The following TSPAN9 variants were observed in gnomAD, a reference collection of about 807,000 sequenced individuals.
TSPAN9 encodes the protein tetraspanin-9.
In TSPAN9, 16 loss-of-function variants were observed where a neutral mutation model predicts 31.0. The observed-to-expected ratio is 0.52, with a 90% CI of 0.35 to 0.78. The LOEUF is 0.78. TSPAN9 is among the 30% of genes least tolerant of loss of function. The pLI is 0.01. For synonymous variants in TSPAN9, 145 were observed against 121.6 expected, an observed-to-expected ratio of 1.19 and a Z score of -1.27; for missense variants, 272 against 312.5, an observed-to-expected ratio of 0.87 and a Z score of 0.98.
intron 4 of TSPAN9, 64 bp downstream of exon 4, chr12:3,278,676 A>T (rs968151442): frequency 1.3e-6 from 2 of 1,568,402 alleles, no homozygotes; most frequent in South Asian, 1.2e-5. Context: ...GACCCCTGGG[A>T]CAGGCAAGAC....
chr12:3,131,323 C>T (rs1431705000), intron 2 of TSPAN9, among the ~76,000 whole-genome samples: 1 of 152,126 alleles, frequency 6.6e-6, no homozygotes. Context: ...CTTGGTTGAG[C>T]CTGGACATGC....
At chr12:3,278,962 C>T (rs1862846683) in intron 4 of TSPAN9, 30 bp from the exon 5 acceptor site, 1 of 1,611,668 alleles carries the variant, frequency 6.2e-7, no homozygotes, top group Non-Finnish European at 8.5e-7. Flanking sequence ...CCCATTACCA[C>T]CTACCCATGC....
intron 2 of TSPAN9, among the ~76,000 whole-genome samples, chr12:3,161,568 GCGTGGGGCCTGGCC>G (rs2098345238): frequency 6.6e-6 from 1 of 152,184 alleles, no homozygotes; most frequent in African/African-American, 2.4e-5. Flanking sequence ...GGAGCACCTA[GCGTGGGGCCTGGCC>G]TGGGGAAAGT....
chr12:3,099,647 G>A (rs963525568), intron 2 of TSPAN9, among the ~76,000 whole-genome samples: 7 of 152,120 alleles, frequency 4.6e-5, no homozygotes, highest in African/African-American at 1.7e-4. Flanking sequence ...ATTTCCTTGA[G>A]TGGTATTGGG....
rs1014366394 is a variant in TSPAN9, at chr12:3,285,271, G to T, written c.*2155G>T. On this transcript the variant is annotated 3_prime_UTR_variant, in exon 9 of 9. Transcript: ENST00000011898. Reference sequence around the variant, plus strand: ...GCCTCGTGCGTTTTTTGCTGTGGGTGGGGTGGGTGGGTTGGTTTATGCCTA... The same window carrying T: ...GCCTCGTGCGTTTTTTGCTGTGGGTTGGGTGGGTGGGTTGGTTTATGCCTA... The T allele has an allele frequency of 1.3e-5, 2 of 151,466 alleles. No individual in the cohort carries two copies. Among genetic ancestry groups the T allele is most frequent in the Non-Finnish European group, 2.9e-5 (2 of 67,842 alleles). 9.4% of individuals were successfully genotyped at this position (151,466 alleles called of 1,614,324 possible).
intron 2 of TSPAN9, among the ~76,000 whole-genome samples, chr12:3,160,413 A>G (rs4765716): frequency 0.069 from 10,554 of 152,242 alleles, 520 homozygotes; most frequent in African/African-American, 0.14. Context: ...GAACATTTGT[A>G]TATAGATTTT....
intron 2 of TSPAN9, among the ~76,000 whole-genome samples, chr12:3,156,438 T>C (rs759818387): frequency 4.6e-5 from 7 of 151,460 alleles, no homozygotes; most frequent in Non-Finnish European, 8.8e-5. Flanking sequence ...GTCTTCTTGA[T>C]AGGGGAGGTG....
chr12:3,226,341 C>T (rs1014177279), intron 3 of TSPAN9, among the ~76,000 whole-genome samples: 1 of 151,934 alleles, frequency 6.6e-6, no homozygotes, highest in Non-Finnish European at 1.5e-5. Flanking sequence ...TTCAAGGGGA[C>T]GAGCCTGGGT....
chr12:3,141,528 G>T (rs982852462), intron 2 of TSPAN9, among the ~76,000 whole-genome samples: 3 of 152,232 alleles, frequency 2.0e-5, no homozygotes, highest in Admixed American at 1.3e-4. Flanking sequence ...CTTTGAGGAG[G>T]CCGTGCGTGA....
Position 3,109,307 on chromosome 12 carries a change from A to AGAGT in TSPAN9, c.-18+25589_-18+25590insAGTG, listed in dbSNP as rs560687812. 1.3e-3 allele frequency among the ~76,000 whole-genome samples: 183 copies of AGAGT among 143,320 alleles called. 2 individuals carry two copies. Among genetic ancestry groups the AGAGT allele is most frequent in the African/African-American group, 4.7e-3 (169 of 36,148 alleles). The allele number at this position is 143,320 out of a possible 152,430, so 94.0% of individuals were successfully genotyped here. ...GTGTGTGTGTGTGTGTGTGAGAGAG[A>AGAGT]GTGTGTGTGTGTGTGTGTGTTTGTG... is the stretch of plus-strand genomic sequence containing the variant. On this transcript the variant is annotated intron_variant, in intron 2 of 8. Coordinates refer to ENST00000011898, the MANE Select transcript of TSPAN9 (RefSeq NM_006675.5).
At chr12:3,276,509 C>T (rs1862791194) in intron 3 of TSPAN9, among the ~76,000 whole-genome samples, 1 of 152,198 alleles carries the variant, frequency 6.6e-6, no homozygotes, top group Admixed American at 6.5e-5. Context: ...ACCTGCTGTT[C>T]TCTCTGTCTG....
At chr12:3,262,711 G>C (rs142598268) in intron 3 of TSPAN9, among the ~76,000 whole-genome samples, 1 of 151,384 alleles carries the variant, frequency 6.6e-6, no homozygotes, top group Non-Finnish European at 1.5e-5. Context: ...CAGAGGCCGC[G>C]CACAGCTCCG....
intron 2 of TSPAN9, among the ~76,000 whole-genome samples, chr12:3,175,492 G>A (rs974087223): frequency 1.4e-4 from 21 of 152,176 alleles, no homozygotes; most frequent in South Asian, 8.3e-4. Flanking sequence ...CAGGCACCTC[G>A]TCCTTCCCAT....
At chr12:3,104,191 A>G (rs2098313131) in intron 2 of TSPAN9, among the ~76,000 whole-genome samples, 1 of 152,086 alleles carries the variant, frequency 6.6e-6, no homozygotes, top group South Asian at 2.1e-4. Flanking sequence ...TATCTAGGCC[A>G]TCTTAGGGGC....
chr12:3,110,363 T>G (rs1331618176), intron 2 of TSPAN9, among the ~76,000 whole-genome samples: 1 of 152,198 alleles, frequency 6.6e-6, no homozygotes, highest in Admixed American at 6.5e-5. Context: ...ATTTACAAAT[T>G]TTTTAAAGAG....
chr12:3,203,591 C>G (rs1325233511), intron 3 of TSPAN9, among the ~76,000 whole-genome samples: 2 of 152,198 alleles, frequency 1.3e-5, no homozygotes, highest in Non-Finnish European at 2.9e-5. Context: ...CTTTACCAGG[C>G]AAGGAGTTGT....
chr12:3,254,644 T>A (rs1862311858), intron 3 of TSPAN9, among the ~76,000 whole-genome samples: 1 of 152,224 alleles, frequency 6.6e-6, no homozygotes, highest in Non-Finnish European at 1.5e-5. Flanking sequence ...AAGTGCTTTT[T>A]GTGTATTAAC....
At chr12:3,118,221 C>CATTTACCTGA (rs2098323309) in intron 2 of TSPAN9, among the ~76,000 whole-genome samples, 1 of 140,130 alleles carries the variant, frequency 7.1e-6, no homozygotes, top group Admixed American at 7.3e-5. Context: ...TGCATTATCA[C>CATTTACCTGA]ATTTACCTGA....
At position 3,107,671 on chromosome 12, in the gene TSPAN9, C is replaced by T. The variant is rs1012176571; in HGVS notation, c.-18+23952C>T. 5.3e-5 allele frequency among the ~76,000 whole-genome samples: 8 copies of T among 152,312 alleles called. No individual in the cohort carries two copies. Among genetic ancestry groups the T allele is most frequent in the African/African-American group, 9.6e-5 (4 of 41,548 alleles). ...AGCTGCTGCAAGGACCTTTAGGTCA[C>T]GCCCAGAGACAGCCTTTTGCTTCAG... On this transcript the variant is annotated intron_variant, in intron 2 of 8. Coordinates refer to ENST00000011898, the MANE Select transcript of TSPAN9 (RefSeq NM_006675.5). This position sits in a 1 kb window ranked among gnomAD's most constrained non-coding sequence, Gnocchi z 4.1.
Sources: gnomAD v4.1 joint callset for allele counts (sites outside exome capture counted in the v4.1 genomes callset) on GRCh38, gnomAD v4.1.1 for gene constraint, Gnocchi (gnomAD v3.1) non-coding constraint, MANE v1.5 for transcripts, NCBI Gene and HGNC (gene_info 2026-07-23, HGNC 2026-07-21) for gene names.